NCAM1: variants seen among roughly 807,000 people sequenced by gnomAD.
NCAM1 encodes antigen recognized by monoclonal antibody 5.1H11.
A neutral mutation model predicts 109.8 loss-of-function variants in NCAM1; 14 were observed. The ratio of observed to expected loss-of-function variants is 0.13; its 90% CI spans 0.08 to 0.20. NCAM1 has a LOEUF of 0.20. NCAM1 is among the 10% of genes least tolerant of loss of function. The pLI is 1.00. For synonymous variants in NCAM1, 418 were observed against 442.9 expected (o/e 0.94, Z 0.70); for missense variants, 774 against 1,109.9 (o/e 0.70, Z 4.30).
chr11:112,964,130 T>G (rs575493287), intron 1 of NCAM1, among the ~76,000 whole-genome samples: 44 of 96,896 alleles, frequency 4.5e-4, no homozygotes, highest in East Asian at 1.4e-3. Flanking sequence ...ATATCTGAGG[T>G]TTTTTTTTTG....
chr11:113,226,746 C>A (rs1465144353), intron 9 of NCAM1, among the ~76,000 whole-genome samples: 1 of 152,170 alleles, frequency 6.6e-6, no homozygotes, highest in Admixed American at 6.5e-5. Context: ...GACCACAGTG[C>A]GATCAAACTA....
At chr11:113,051,571 C>G (rs7947116) in intron 1 of NCAM1, among the ~76,000 whole-genome samples, 67,136 of 151,990 alleles carry the variant, frequency 0.44, 15,816 homozygotes, top group East Asian at 0.81. Flanking sequence ...CTATCCTTCA[C>G]GTCTTTTGTT....
chr11:112,979,921 T>G (rs2186707), intron 1 of NCAM1, among the ~76,000 whole-genome samples: 1 of 151,560 alleles, frequency 6.6e-6, no homozygotes, highest in Admixed American at 6.6e-5. Flanking sequence ...CAAGCACCAC[T>G]TGATCACCTT....
At chr11:113,001,920 T>C (rs935344859) in intron 1 of NCAM1, among the ~76,000 whole-genome samples, 24 of 152,214 alleles carry the variant, frequency 1.6e-4, no homozygotes, top group African/African-American at 5.3e-4. Flanking sequence ...TCCCTCCACG[T>C]TGGCTTCATT....
chr11:113,127,455 C>G (rs1941223034), intron 1 of NCAM1, among the ~76,000 whole-genome samples: 1 of 152,104 alleles, frequency 6.6e-6, no homozygotes, highest in African/African-American at 2.4e-5. Context: ...TTGCATCGTA[C>G]TATTACTGGT....
At chr11:113,247,144 T>A (rs1591455881) in intron 15 of NCAM1, among the ~76,000 whole-genome samples, 2 of 151,756 alleles carry the variant, frequency 1.3e-5, no homozygotes, top group East Asian at 3.8e-4. Context: ...ATATTGTGAC[T>A]GTCACAACCT....
chr11:112,984,583 G>C (rs549329149), intron 1 of NCAM1, among the ~76,000 whole-genome samples: 2 of 151,998 alleles, frequency 1.3e-5, no homozygotes, highest in Admixed American at 1.3e-4. Flanking sequence ...TTTGACAAAA[G>C]CCATCCTAAC....
chr11:113,251,431 T>A (rs1945673359), intron 15 of NCAM1, among the ~76,000 whole-genome samples: 1 of 152,188 alleles, frequency 6.6e-6, no homozygotes, highest in African/African-American at 2.4e-5. Context: ...AATTATGGTT[T>A]CTAAGGGAGA....
intron 14 of NCAM1, chr11:113,240,758 T>G (rs539417305): frequency 6.2e-7 from 1 of 1,610,612 alleles, no homozygotes; most frequent in African/African-American, 1.3e-5. Context: ...ATGATCTTTT[T>G]TCCCCACCTT....
chr11:113,240,824 C>T, intron 14 of NCAM1: 1 of 1,613,536 alleles, frequency 6.2e-7, no homozygotes, highest in South Asian at 1.1e-5. Flanking sequence ...TCCATTGTCT[C>T]CACCAGATAG....
chr11:113,224,833 T>G (rs1451436124), intron 9 of NCAM1, among the ~76,000 whole-genome samples: 1 of 152,226 alleles, frequency 6.6e-6, no homozygotes, highest in African/African-American at 2.4e-5. Flanking sequence ...GGTCTGGAGT[T>G]GAGCTCTGGC....
chr11:113,189,181 G>A (rs1410049624), intron 1 of NCAM1, among the ~76,000 whole-genome samples: 2 of 152,062 alleles, frequency 1.3e-5, no homozygotes, highest in East Asian at 1.9e-4. Flanking sequence ...GCCGGGCACG[G>A]TGGCTCACAC....
chr11:113,244,528 T>C (rs1237674173), intron 14 of NCAM1, among the ~76,000 whole-genome samples: 3 of 152,156 alleles, frequency 2.0e-5, no homozygotes, highest in South Asian at 2.1e-4. Flanking sequence ...TAAGATGAAA[T>C]GTGGCACATG....
At chr11:113,224,851 G>C (rs623617) in intron 9 of NCAM1, among the ~76,000 whole-genome samples, 21 of 152,154 alleles carry the variant, frequency 1.4e-4, no homozygotes, top group Non-Finnish European at 2.5e-4. Context: ...GGCAAACTCC[G>C]ACAGACCTGC....
At chr11:113,240,564 C>A in intron 14 of NCAM1, 1 of 558,512 alleles carries the variant, frequency 1.8e-6, no homozygotes. Flanking sequence ...ACCTGAACTG[C>A]AGGGTTTGGC....
At chr11:113,020,365 G>T (rs1373150954) in intron 1 of NCAM1, among the ~76,000 whole-genome samples, 1 of 152,166 alleles carries the variant, frequency 6.6e-6, no homozygotes, top group Non-Finnish European at 1.5e-5. Flanking sequence ...TCAGTTGGAA[G>T]TCATTTCCTC....
chr11:112,964,246 G>A (rs1430162720), intron 1 of NCAM1, among the ~76,000 whole-genome samples: 1 of 144,886 alleles, frequency 6.9e-6, no homozygotes, highest in East Asian at 2.1e-4. Context: ...TTACATATAA[G>A]GCAAGCTAAC....
intron 16 of NCAM1, 128 bp downstream of exon 16, chr11:113,256,129 C>T: frequency 4.0e-6 from 5 of 1,244,664 alleles, no homozygotes; most frequent in South Asian, 1.6e-5. Context: ...TGGCAGGTGG[C>T]CCATGGGCCC....
intron 9 of NCAM1, among the ~76,000 whole-genome samples, chr11:113,230,048 G>A (rs537452588): frequency 4.0e-4 from 61 of 151,668 alleles, no homozygotes; most frequent in Admixed American, 7.2e-4. Flanking sequence ...AAACCTGCAC[G>A]TTGTGCACAT....
Sources: allele counts gnomAD v4.1 joint callset (sites outside exome capture counted in the v4.1 genomes callset), GRCh38; gene constraint gnomAD v4.1.1; transcripts MANE v1.5; gene names NCBI Gene and HGNC (gene_info 2026-07-23, HGNC 2026-07-21).